The following KCNIP3 variants were observed in gnomAD, a reference collection of about 807,000 sequenced individuals.
KCNIP3 encodes calsenilin.
A neutral mutation model predicts 35.0 loss-of-function variants in KCNIP3; 28 were observed. The observed-to-expected ratio is 0.80, with a 90% CI of 0.59 to 1.10. The LOEUF (loss-of-function observed/expected upper bound fraction) is 1.10, where lower values mean the gene tolerates loss of function less well. Among genes scored for constraint, KCNIP3 ranks in the 50% least tolerant of loss-of-function variants. The pLI is 0.00. For synonymous variants in KCNIP3, 134 were observed against 133.8 expected (o/e 1.00, Z -0.01); for missense variants, 295 against 338.4 (o/e 0.87, Z 1.01).
chr2:95,350,294 C>T (rs1679480857), intron 2 of KCNIP3, among the ~76,000 whole-genome samples: 1 of 152,226 alleles, frequency 6.6e-6, no homozygotes, highest in Non-Finnish European at 1.5e-5. Flanking sequence ...ACAGCCTTGT[C>T]ACTCCCTTAA....
At chr2:95,353,277 C>T (rs1679573278) in intron 2 of KCNIP3, among the ~76,000 whole-genome samples, 1 of 152,200 alleles carries the variant, frequency 6.6e-6, no homozygotes, top group Non-Finnish European at 1.5e-5. Context: ...CAGCACTCCC[C>T]ACACAACTGA....
intron 2 of KCNIP3, among the ~76,000 whole-genome samples, chr2:95,356,074 A>G (rs532206498): frequency 6.6e-6 from 1 of 152,138 alleles, no homozygotes; most frequent in African/African-American, 2.4e-5. Context: ...TGGGGTTTTG[A>G]TTTGCGTTTC....
intron 2 of KCNIP3, among the ~76,000 whole-genome samples, chr2:95,372,260 G>C (rs544752404): frequency 4.6e-5 from 7 of 152,002 alleles, no homozygotes; most frequent in Admixed American, 4.6e-4. Flanking sequence ...TCTGCTCCAC[G>C]GCACAGTTCT....
At chr2:95,381,154 T>G (rs560148768) in intron 5 of KCNIP3, among the ~76,000 whole-genome samples, 1 of 152,328 alleles carries the variant, frequency 6.6e-6, no homozygotes, top group East Asian at 1.9e-4. Context: ...CAGCACTGCA[T>G]TAAATGGGTC....
intron 2 of KCNIP3, chr2:95,346,921 C>G (rs1317375914): frequency 6.3e-6 from 4 of 636,918 alleles, no homozygotes; most frequent in African/African-American, 5.8e-5. Flanking sequence ...TCGCCGCCCC[C>G]GAGAGGCCGT....
intron 2 of KCNIP3, among the ~76,000 whole-genome samples, chr2:95,319,724 G>A (rs985009486): frequency 2.0e-5 from 3 of 152,198 alleles, no homozygotes; most frequent in African/African-American, 4.8e-5. Context: ...AGTCCGTATC[G>A]TCTGGAGCTC....
intron 2 of KCNIP3, among the ~76,000 whole-genome samples, chr2:95,363,532 C>G (rs566562255): frequency 1.3e-5 from 2 of 152,246 alleles, no homozygotes; most frequent in Admixed American, 1.3e-4. Flanking sequence ...AGAAACTCCT[C>G]CCTTGTTATT....
At chr2:95,349,334 A>G (rs1679454604) in intron 2 of KCNIP3, among the ~76,000 whole-genome samples, 1 of 152,212 alleles carries the variant, frequency 6.6e-6, no homozygotes, top group South Asian at 2.1e-4. Context: ...GTGTGCAGTC[A>G]GAGGGGTCTC....
rs568786947 is a variant in KCNIP3 at position 95,301,348 on chromosome 2, C to T, written c.15+3895C>T. On this transcript the variant is annotated intron_variant, in intron 1 of 8. Coordinates refer to ENST00000295225, the MANE Select transcript of KCNIP3 (RefSeq NM_013434.5). ...GCGCAGAGCCCTGATCCTCACTGTGCGGGACTAAAGGACCCCGGGCAGGAG... is the reference window on the plus strand; with the variant it reads ...GCGCAGAGCCCTGATCCTCACTGTGTGGGACTAAAGGACCCCGGGCAGGAG... 5.3e-5 allele frequency among the ~76,000 whole-genome samples: 8 copies of T among 152,324 alleles called. No homozygotes were observed. In the South Asian group the frequency reaches 6.2e-4, roughly 12 times the overall value.
intron 2 of KCNIP3, among the ~76,000 whole-genome samples, chr2:95,327,482 T>C (rs1423774338): frequency 1.1e-5 from 1 of 91,400 alleles, no homozygotes; most frequent in Admixed American, 1.0e-4. Flanking sequence ...ACACTCTCTG[T>C]CACACTTACA....
At chr2:95,320,220 C>T (rs1246905378) in intron 2 of KCNIP3, among the ~76,000 whole-genome samples, 1 of 152,158 alleles carries the variant, frequency 6.6e-6, no homozygotes, top group Non-Finnish European at 1.5e-5. Flanking sequence ...GAGCCTGAGG[C>T]GCTGTGGCCT....
intron 2 of KCNIP3, among the ~76,000 whole-genome samples, chr2:95,353,490 C>T (rs1208249784): frequency 1.3e-5 from 2 of 152,230 alleles, no homozygotes; most frequent in Non-Finnish European, 2.9e-5. Context: ...CGTTCCAGCC[C>T]GGTTTGGCCA....
chr2:95,305,620 C>A (rs936015146), intron 1 of KCNIP3, among the ~76,000 whole-genome samples: 1 of 152,168 alleles, frequency 6.6e-6, no homozygotes, highest in Admixed American at 6.5e-5. Flanking sequence ...CCCCTCCTGC[C>A]GCCCTGTGAG....
intron 3 of KCNIP3, 114 bp from the exon 4 acceptor site, chr2:95,374,734 C>G (rs1194015279): frequency 1.6e-6 from 2 of 1,264,028 alleles, no homozygotes; most frequent in Non-Finnish European, 2.2e-6. Context: ...CCCAGCAGTG[C>G]CACAGGCAGC....
chr2:95,302,552 C>T (rs1420461875), intron 1 of KCNIP3, among the ~76,000 whole-genome samples: 1 of 152,212 alleles, frequency 6.6e-6, no homozygotes, highest in African/African-American at 2.4e-5. Context: ...GACAGCCAGA[C>T]CCTCCCTGGG....
intron 2 of KCNIP3, among the ~76,000 whole-genome samples, chr2:95,342,115 G>C (rs1679208250): frequency 6.6e-6 from 1 of 152,166 alleles, no homozygotes; most frequent in Non-Finnish European, 1.5e-5. Flanking sequence ...CCTGAGATGA[G>C]AGAGTGCTGG....
chr2:95,310,832 C>A (rs1350540147), intron 2 of KCNIP3: 3 of 416,388 alleles, frequency 7.2e-6, no homozygotes, highest in Middle Eastern at 4.7e-4. Context: ...CTCCACCCTG[C>A]CCACTGCTCA....
intron 8 of KCNIP3, 139 bp from the exon 9 acceptor site, chr2:95,383,863 C>T: frequency 2.6e-6 from 2 of 757,884 alleles, no homozygotes; most frequent in Non-Finnish European, 4.7e-6. Context: ...ACCTCCCTGT[C>T]CCCCAGCTCC....
At chr2:95,370,523 C>G (rs1318680211) in intron 2 of KCNIP3, among the ~76,000 whole-genome samples, 1 of 152,204 alleles carries the variant, frequency 6.6e-6, no homozygotes, top group Non-Finnish European at 1.5e-5. Context: ...CTTTCAAGTA[C>G]CTTTTCCTGT....
Sources: allele counts gnomAD v4.1 joint callset (sites outside exome capture counted in the v4.1 genomes callset), GRCh38; gene constraint gnomAD v4.1.1; transcripts MANE v1.5; gene names NCBI Gene and HGNC (gene_info 2026-07-23, HGNC 2026-07-21).